The following SNX13 variants were observed in gnomAD, a reference collection of about 807,000 sequenced individuals.
SNX13 encodes the protein sorting nexin-13.
Under a neutral mutation model 133.6 loss-of-function variants are expected in SNX13, and 45 were observed. The observed-to-expected ratio is 0.34, with a 90% confidence interval of 0.27 to 0.43. The LOEUF (loss-of-function observed/expected upper bound fraction) is 0.43, where lower values mean the gene tolerates loss of function less well. Among genes scored for constraint, SNX13 ranks in the 20% least tolerant of loss-of-function variants. The pLI is 1.00. For missense variants in SNX13, 1,032 were observed against 1,145.1 expected (o/e 0.90, Z 1.43); for synonymous variants, 414 against 373.9 (o/e 1.11, Z -1.24).
intron 5 of SNX13, among the ~76,000 whole-genome samples, chr7:17,878,141 T>C (rs1484044578): frequency 6.6e-6 from 1 of 152,158 alleles, no homozygotes; most frequent in East Asian, 1.9e-4. Context: ...TACATAGCTT[T>C]CTATTAGAGC....
rs117281169 is a variant in SNX13 at position 17,826,818 on chromosome 7, A to C, written c.1636-727T>G. On this transcript the variant is annotated intron_variant, in intron 16 of 25. Coordinates refer to ENST00000428135, the MANE Select transcript of SNX13 (RefSeq NM_015132.5). ...TTTTGCCACATACACATATATCCAC[A>C]CATATATAAAAAGGAACATAACCAT... 6.5e-3 allele frequency among the ~76,000 whole-genome samples: 983 copies of C among 152,184 alleles called. 9 individuals are homozygous for C. Among genetic ancestry groups the C allele is most frequent in the Middle Eastern group, 0.014 (4 of 294 alleles).
At chr7:17,831,887 A>G (rs1248839727) in intron 15 of SNX13, 1 of 984,382 alleles carries the variant, frequency 1.0e-6, no homozygotes, top group Non-Finnish European at 1.2e-6. Context: ...CCTAAAACCT[A>G]AACACTGACA....
intron 1 of SNX13, among the ~76,000 whole-genome samples, chr7:17,908,584 T>G (rs2128015213): frequency 6.6e-6 from 1 of 152,350 alleles, no homozygotes; most frequent in East Asian, 1.9e-4. Flanking sequence ...CTGCACAATT[T>G]ACAATTCTAC....
intron 1 of SNX13, among the ~76,000 whole-genome samples, chr7:17,904,619 A>G (rs988891877): frequency 2.6e-5 from 4 of 152,188 alleles, no homozygotes; most frequent in Non-Finnish European, 4.4e-5. Flanking sequence ...AATGGGGTCA[A>G]CCACTCTCCA....
intron 22 of SNX13, among the ~76,000 whole-genome samples, chr7:17,799,752 G>C (rs190343572): frequency 6.6e-6 from 1 of 151,680 alleles, no homozygotes; most frequent in Middle Eastern, 3.4e-3. Context: ...AGTATTATGG[G>C]AGTATACAAC....
chr7:17,801,408 T>C (rs1784634593), intron 22 of SNX13, among the ~76,000 whole-genome samples, 180 bp downstream of exon 22: 1 of 151,926 alleles, frequency 6.6e-6, no homozygotes, highest in African/African-American at 2.4e-5. Context: ...GGAGTAGTGA[T>C]AATCTTATTT....
chr7:17,882,687 T>G lies in SNX13; in HGVS notation c.441-6897A>C, dbSNP rs1032587237. ...TGTGATGGAGTATGTTAGTGTGTGT[T>G]TTGGGAGGAAACATGATTGAAAAGA... On this transcript the variant is annotated intron_variant, in intron 5 of 25. Transcript: ENST00000428135. 5 of 612,022 alleles carry G rather than the reference T, an allele frequency of 8.2e-6. No individual in the cohort carries two copies. In the African/African-American group the frequency reaches 1.0e-4, roughly 12 times the overall value. The allele number at this position is 612,022 out of a possible 1,614,324, so 37.9% of individuals were successfully genotyped here.
At chr7:17,892,502 A>T (rs956107909) in intron 3 of SNX13, among the ~76,000 whole-genome samples, 1 of 144,366 alleles carries the variant, frequency 6.9e-6, no homozygotes, top group African/African-American at 2.5e-5. Context: ...ACTTATAAGT[A>T]AAAAAAAAAA....
chr7:17,825,052 A>G (rs1282031281), intron 17 of SNX13, among the ~76,000 whole-genome samples: 1 of 152,202 alleles, frequency 6.6e-6, no homozygotes, highest in Non-Finnish European at 1.5e-5. Context: ...TACAGGCGTG[A>G]GCCACCAAGC....
chr7:17,869,068 T>C (rs1793738902), intron 8 of SNX13, among the ~76,000 whole-genome samples: 2 of 152,120 alleles, frequency 1.3e-5, no homozygotes, highest in South Asian at 4.1e-4. Context: ...CTTCCCATTC[T>C]TTGCAGTTGT....
chr7:17,932,926 T>C (rs1252215386), intron 1 of SNX13, among the ~76,000 whole-genome samples: 1 of 152,238 alleles, frequency 6.6e-6, no homozygotes, highest in Non-Finnish European at 1.5e-5. Flanking sequence ...AGTGGTACAA[T>C]GCTAAATTTA....
chr7:17,815,264 C>T (rs1213387015), intron 19 of SNX13, among the ~76,000 whole-genome samples: 1 of 152,138 alleles, frequency 6.6e-6, no homozygotes, highest in African/African-American at 2.4e-5. Flanking sequence ...AAAACTGTCA[C>T]GTTATTTGCA....
intron 8 of SNX13, 26 bp downstream of exon 8, chr7:17,873,502 A>T: frequency 2.0e-6 from 3 of 1,472,328 alleles, no homozygotes; most frequent in South Asian, 1.4e-5. Context: ...TTTTGCAGGT[A>T]TGATATGGTA....
chr7:17,794,425 T>C, intron 25 of SNX13, 133 bp from the exon 26 acceptor site: 1 of 1,105,352 alleles, frequency 9.0e-7, no homozygotes, highest in Non-Finnish European at 1.3e-6. Flanking sequence ...GCATTTCAGC[T>C]ATGTACTATA....
In SNX13 at chr7:17,816,173, T is replaced by C; in HGVS notation, c.1953+9A>G. ...GAAAATCTGTGGATTATAGTAAACA[T>C]GAGCTTACCTGCAAATATGCATTTA... is the stretch of plus-strand genomic sequence containing the variant. On this transcript the variant is annotated intron_variant, in intron 19 of 25. Transcript: ENST00000428135. 1 of 1,527,244 alleles carries C rather than the reference T, an allele frequency of 6.5e-7. No homozygotes were observed. The highest frequency in any genetic ancestry group is 8.8e-7 in the Non-Finnish European group (1 of 1,135,766). 94.6% of individuals were successfully genotyped at this position (1,527,244 alleles called of 1,614,324 possible).
At chr7:17,938,751 A>G (rs1321936510) in intron 1 of SNX13, among the ~76,000 whole-genome samples, 1 of 152,248 alleles carries the variant, frequency 6.6e-6, no homozygotes, top group African/African-American at 2.4e-5. Context: ...AAACTCTGAA[A>G]CATGTTAACA....
chr7:17,920,517 G>A (rs1800012508), intron 1 of SNX13, among the ~76,000 whole-genome samples: 1 of 152,158 alleles, frequency 6.6e-6, no homozygotes, highest in Admixed American at 6.5e-5. Context: ...CACTCTGTGG[G>A]CGGTGATGTC....
chr7:17,863,947 G>T (rs1274908179), intron 9 of SNX13, among the ~76,000 whole-genome samples: 1 of 152,206 alleles, frequency 6.6e-6, no homozygotes, highest in Non-Finnish European at 1.5e-5. Flanking sequence ...GTCTCCAAGA[G>T]TCACAGTATT....
At chr7:17,812,319 C>T (rs1367146632) in intron 20 of SNX13, among the ~76,000 whole-genome samples, 2 of 151,980 alleles carry the variant, frequency 1.3e-5, no homozygotes, top group African/African-American at 4.8e-5. Flanking sequence ...AAAACAACCC[C>T]ATCAGAAAGT....
Sources: gnomAD v4.1 joint callset for allele counts (sites outside exome capture counted in the v4.1 genomes callset) on GRCh38, gnomAD v4.1.1 for gene constraint, MANE v1.5 for transcripts, NCBI Gene and HGNC (gene_info 2026-07-23, HGNC 2026-07-21) for gene names.